LDAH: variants seen among roughly 807,000 people sequenced by gnomAD.
The protein encoded by LDAH is lipid droplet-associated hydrolase.
In LDAH, 26 loss-of-function variants were observed where a neutral mutation model predicts 29.6. That is an observed-to-expected ratio of 0.88 (90% CI 0.64 to 1.22). The LOEUF is 1.22. Ranked by LOEUF, LDAH falls within the 50% of genes most tolerant of loss-of-function variation. The pLI is 0.00. For synonymous variants in LDAH, 117 were observed against 133.0 expected (o/e 0.88, Z 0.83); for missense variants, 344 against 387.3 (o/e 0.89, Z 0.94).
In LDAH at chr2:20,687,073, T is replaced by A; in HGVS notation, c.808A>T (p.Ile270Leu). The change falls in exon 7 of 7, where the codon ATA becomes TTA. Residue 270 changes from isoleucine to leucine, a missense_variant. Transcript: ENST00000237822. ...LCKLTFYYGT[I>L]DPWCPKEYYE... ...TACTCTTTTGGACACCAAGGATCTA[T>A]AGTACCATAATAAAATGTAAGCTGA... The A allele has an allele frequency of 6.2e-7, 1 of 1,608,686 alleles. No homozygotes were observed. Among genetic ancestry groups the A allele is most frequent in the Non-Finnish European group, 8.5e-7 (1 of 1,178,150 alleles).
At position 20,801,363 on chromosome 2, in the gene LDAH, A is replaced by C. The variant is rs371579856; in HGVS notation, c.101T>G (p.Leu34Arg). The C allele has an allele frequency of 6.2e-7, 1 of 1,614,000 alleles. No individual in the cohort carries two copies. Among genetic ancestry groups the C allele is most frequent in the Non-Finnish European group, 8.5e-7 (1 of 1,179,972 alleles). ...QVLKCGPWTD[L>R]FHDQSVKRPK... ...CCTTTTGACACTTTGATCATGAAAG[A>C]GGTCTGTCCAGGGCCCACATTTTAG... The change falls in exon 2 of 7, where the codon CTC becomes CGC. Residue 34 changes from leucine to arginine, a missense_variant. Transcript: ENST00000237822.
At chr2:20,822,966 C>T (rs1673443164) in intron 1 of LDAH, 71 bp downstream of exon 1, 1 of 152,400 alleles carries the variant, frequency 6.6e-6, no homozygotes, top group Non-Finnish European at 1.5e-5. Context: ...GAAGGGGCGC[C>T]AGATCCCGCG....
At chr2:20,807,489 T>C (rs531081845) in intron 1 of LDAH, among the ~76,000 whole-genome samples, 13 of 152,214 alleles carry the variant, frequency 8.5e-5, no homozygotes, top group South Asian at 2.1e-4. Flanking sequence ...AAAAGGGTAA[T>C]AGATGACAAC....
chr2:20,711,876 C>T (rs1372559896), intron 5 of LDAH, among the ~76,000 whole-genome samples: 4 of 152,180 alleles, frequency 2.6e-5, no homozygotes, highest in Non-Finnish European at 4.4e-5. Flanking sequence ...GCAAACAAAG[C>T]GGCCAGAAAG....
chr2:20,686,778 T>C lies in LDAH; in HGVS notation c.*125A>G. On this transcript the variant is annotated 3_prime_UTR_variant, in exon 7 of 7. Transcript: ENST00000237822. ...ACATGGCGAGCGGAGAGTTGGTTTGTAAGACAAAGGTTCTCACTTTCTTCA... is the reference window on the plus strand; with the variant it reads ...ACATGGCGAGCGGAGAGTTGGTTTGCAAGACAAAGGTTCTCACTTTCTTCA... The C allele has an allele frequency of 6.8e-6, 6 of 877,518 alleles. No individual in the cohort carries two copies. Among genetic ancestry groups the C allele is most frequent in the Non-Finnish European group, 1.0e-5 (6 of 574,902 alleles). 54.4% of individuals were successfully genotyped at this position (877,518 alleles called of 1,614,324 possible). A position where few individuals can be genotyped will look rare whatever the true frequency, so the allele number is the denominator to read the frequency against.
intron 4 of LDAH, among the ~76,000 whole-genome samples, chr2:20,753,464 G>A (rs1422770489): frequency 1.3e-5 from 2 of 152,216 alleles, no homozygotes; most frequent in Non-Finnish European, 2.9e-5. Context: ...TCTATATGTA[G>A]CTATCTGGAT....
At chr2:20,752,416 C>G (rs1176744545) in intron 4 of LDAH, among the ~76,000 whole-genome samples, 1 of 152,146 alleles carries the variant, frequency 6.6e-6, no homozygotes, top group Admixed American at 6.6e-5. Context: ...AAGTTTCCCC[C>G]AAACTGAACA....
At chr2:20,796,605 A>G (rs576404120) in intron 2 of LDAH, among the ~76,000 whole-genome samples, 6 of 152,286 alleles carry the variant, frequency 3.9e-5, no homozygotes, top group African/African-American at 1.4e-4. Flanking sequence ...CTTCACCTAC[A>G]TTAAACTTAA....
chr2:20,737,371 T>C (rs761011003), intron 5 of LDAH, among the ~76,000 whole-genome samples: 1 of 152,154 alleles, frequency 6.6e-6, no homozygotes, highest in Admixed American at 6.5e-5. Flanking sequence ...AATCCATAAC[T>C]GAAGAATGCT....
At chr2:20,774,467 A>G (rs1669650928) in intron 4 of LDAH, among the ~76,000 whole-genome samples, 1 of 152,218 alleles carries the variant, frequency 6.6e-6, no homozygotes, top group Non-Finnish European at 1.5e-5. Context: ...CCTTCCCACA[A>G]AAGACAGATT....
chr2:20,725,265 C>T (rs897308050), intron 5 of LDAH, among the ~76,000 whole-genome samples: 4 of 151,940 alleles, frequency 2.6e-5, no homozygotes, highest in African/African-American at 7.3e-5. Flanking sequence ...CCATTAATAC[C>T]GATGAAATGC....
intron 5 of LDAH, among the ~76,000 whole-genome samples, chr2:20,735,244 T>C (rs534359106): frequency 6.6e-6 from 1 of 152,324 alleles, no homozygotes; most frequent in African/African-American, 2.4e-5. Context: ...AGGACTAGTG[T>C]TATCACAAAT....
intron 6 of LDAH, 88 bp downstream of exon 6, chr2:20,701,482 T>C: frequency 9.3e-7 from 1 of 1,075,770 alleles, no homozygotes; most frequent in Non-Finnish European, 1.4e-6. Context: ...CTTAAAGTCT[T>C]ACAGATTCTA....
At chr2:20,822,053 T>TA (rs886626882) in intron 1 of LDAH, among the ~76,000 whole-genome samples, 2 of 152,152 alleles carry the variant, frequency 1.3e-5, no homozygotes, top group African/African-American at 4.8e-5. Flanking sequence ...GAGATGCTTC[T>TA]AAATCTTCTG....
intron 1 of LDAH, among the ~76,000 whole-genome samples, chr2:20,816,833 G>T (rs185867367): frequency 7.3e-5 from 11 of 150,956 alleles, no homozygotes; most frequent in Non-Finnish European, 1.2e-4. Flanking sequence ...AGTCATAAAA[G>T]AAACTTAAAA....
intron 3 of LDAH, among the ~76,000 whole-genome samples, chr2:20,778,208 C>A (rs925626941): frequency 1.3e-5 from 2 of 152,090 alleles, no homozygotes; most frequent in African/African-American, 4.8e-5. Flanking sequence ...AATCTGTAAC[C>A]CCAGCCCCAA....
chr2:20,727,799 C>T (rs1666120777), intron 5 of LDAH, among the ~76,000 whole-genome samples: 1 of 152,032 alleles, frequency 6.6e-6, no homozygotes, highest in Admixed American at 6.5e-5. Context: ...AGAAAAAATC[C>T]ATATATGTTC....
intron 1 of LDAH, among the ~76,000 whole-genome samples, chr2:20,812,292 C>T (rs770727311): frequency 1.3e-5 from 2 of 152,182 alleles, no homozygotes; most frequent in Non-Finnish European, 2.9e-5. Context: ...GAACCTTTTC[C>T]TCTCCTATTC....
intron 6 of LDAH, among the ~76,000 whole-genome samples, chr2:20,688,130 T>TG (rs1185591899): frequency 1.3e-5 from 2 of 152,114 alleles, no homozygotes; most frequent in African/African-American, 4.8e-5. Context: ...AAGACAGTCT[T>TG]GGGGGGAGGG....
Sources: gnomAD v4.1 joint callset for allele counts (sites outside exome capture counted in the v4.1 genomes callset) on GRCh38, gnomAD v4.1.1 for gene constraint, MANE v1.5 for transcripts, NCBI Gene and HGNC (gene_info 2026-07-23, HGNC 2026-07-21) for gene names.